NEK6: variants seen among roughly 807,000 people sequenced by gnomAD.
NEK6 encodes serine/threonine-protein kinase Nek6.
A neutral mutation model predicts 43.5 loss-of-function variants in NEK6; 27 were observed. That is an observed-to-expected ratio of 0.62 (90% CI 0.46 to 0.86). The LOEUF (loss-of-function observed/expected upper bound fraction) is 0.86. Among genes scored for constraint, NEK6 ranks in the 40% least tolerant of loss-of-function variants. NEK6 has a pLI of 0.00. For synonymous variants in NEK6, 167 were observed against 164.1 expected (o/e 1.02, Z -0.14); for missense variants, 318 against 414.4 (o/e 0.77, Z 2.02).
intron 1 of NEK6, among the ~76,000 whole-genome samples, chr9:124,276,508 G>T (rs78138995): frequency 6.6e-6 from 1 of 152,278 alleles, no homozygotes; most frequent in South Asian, 2.1e-4. Flanking sequence ...TAATGAGCCC[G>T]TGGTACATCG....
chr9:124,281,381 A>G (rs1220608812), intron 1 of NEK6, among the ~76,000 whole-genome samples: 1 of 150,694 alleles, frequency 6.6e-6, no homozygotes, highest in Non-Finnish European at 1.5e-5. Context: ...CAAATCCCAG[A>G]CCCAGGCCAG....
chr9:124,257,979 C>G lies in NEK6; in HGVS notation c.-136C>G, dbSNP rs886165909. On this transcript the variant is annotated 5_prime_UTR_variant, in exon 1 of 10. Coordinates refer to ENST00000320246, the MANE Select transcript of NEK6 (RefSeq NM_014397.6). The stretch of plus-strand genomic sequence containing the variant: ...GGCGGCGGCGGCGGAACCGAGCTGA[C>G]GGGCGTGCGGCCGCTGCGCCGCAAA... 1.0e-5 allele frequency: 10 copies of G among 978,612 alleles called. No individual in the cohort carries two copies. The highest frequency in any genetic ancestry group is 1.8e-5 in the African/African-American group (1 of 56,398). 60.6% of individuals were successfully genotyped at this position (978,612 alleles called of 1,614,324 possible). A position where few individuals can be genotyped will look rare whatever the true frequency, so the allele number is the denominator to read the frequency against.
intron 1 of NEK6, among the ~76,000 whole-genome samples, chr9:124,293,250 C>T (rs1421311616): frequency 6.6e-6 from 1 of 152,226 alleles, no homozygotes; most frequent in Non-Finnish European, 1.5e-5. Flanking sequence ...CTTCTCTGCA[C>T]CTCAGTTTCT....
intron 2 of NEK6, among the ~76,000 whole-genome samples, chr9:124,309,961 C>T (rs538578491): frequency 2.6e-5 from 4 of 152,252 alleles, no homozygotes; most frequent in Non-Finnish European, 5.9e-5. Flanking sequence ...TTGAAGAGGC[C>T]GGTGGCGGGT....
intron 8 of NEK6, among the ~76,000 whole-genome samples, chr9:124,344,140 C>A (rs1439810727): frequency 6.6e-6 from 1 of 152,192 alleles, no homozygotes; most frequent in African/African-American, 2.4e-5. Flanking sequence ...GGCGTCTTCC[C>A]CTCTTCTGTG....
At chr9:124,294,758 C>T (rs1230378391) in intron 1 of NEK6, among the ~76,000 whole-genome samples, 2 of 152,094 alleles carry the variant, frequency 1.3e-5, no homozygotes, top group East Asian at 1.9e-4. Flanking sequence ...CTCCGGTGTG[C>T]GGACCTTTTG....
chr9:124,287,052 C>T (rs927689216), intron 1 of NEK6, among the ~76,000 whole-genome samples: 2 of 152,122 alleles, frequency 1.3e-5, no homozygotes, highest in Non-Finnish European at 2.9e-5. Flanking sequence ...CCCCTGGCTG[C>T]GGGGGACAGA....
chr9:124,308,772 G>T (rs1588492053), intron 2 of NEK6, among the ~76,000 whole-genome samples: 1 of 151,408 alleles, frequency 6.6e-6, no homozygotes, highest in Admixed American at 6.6e-5. Context: ...CCAGCCCCAC[G>T]CCCGTCTTGC....
At chr9:124,285,081 T>C (rs1832092579) in intron 1 of NEK6, among the ~76,000 whole-genome samples, 2 of 152,164 alleles carry the variant, frequency 1.3e-5, no homozygotes, top group Non-Finnish European at 2.9e-5. Flanking sequence ...AGCCAAAAAA[T>C]GTCTGTTGTT....
chr9:124,264,667 G>A (rs893973937), intron 1 of NEK6, among the ~76,000 whole-genome samples: 8 of 152,140 alleles, frequency 5.3e-5, no homozygotes, highest in Non-Finnish European at 1.0e-4. Flanking sequence ...TTAGCTGGGC[G>A]TGGTGGTGGA....
At chr9:124,318,750 C>T (rs1034515889) in intron 4 of NEK6, among the ~76,000 whole-genome samples, 8 of 152,292 alleles carry the variant, frequency 5.3e-5, no homozygotes, top group Admixed American at 1.3e-4. Context: ...TGGCTCACTG[C>T]AACCACCGTC....
chr9:124,336,459 G>T (rs960199885), intron 7 of NEK6, among the ~76,000 whole-genome samples: 2 of 152,142 alleles, frequency 1.3e-5, no homozygotes, highest in African/African-American at 4.8e-5. Context: ...AGTTACCTGT[G>T]TTTTTCCCGA....
In NEK6 at chr9:124,275,857, G is replaced by A. The variant is rs1053444812; in HGVS notation, c.-30+17772G>A. On this transcript the variant is annotated intron_variant, in intron 1 of 9. Coordinates refer to ENST00000320246, the MANE Select transcript of NEK6 (RefSeq NM_014397.6). This position sits in a 1 kb window ranked among gnomAD's most constrained non-coding sequence, Gnocchi z 4.4. ...ACAGCTGAGATGCTGAGACCACTGTGTCCAAAGCCCAGGCCTTTTCTGGGG... is the reference window on the plus strand; with the variant it reads ...ACAGCTGAGATGCTGAGACCACTGTATCCAAAGCCCAGGCCTTTTCTGGGG... Among the ~76,000 whole-genome samples, 4 of 152,270 alleles carry A rather than the reference G, an allele frequency of 2.6e-5. No individual in the cohort carries two copies. The highest frequency in any genetic ancestry group is 9.6e-5 in the African/African-American group (4 of 41,470).
intron 1 of NEK6, chr9:124,259,429 A>G (rs1830938562): frequency 6.6e-6 from 1 of 152,080 alleles, no homozygotes; most frequent in African/African-American, 2.4e-5. Context: ...GGACTCAGCG[A>G]GTTTGGACTC....
chr9:124,331,880 G>A (rs866068504), intron 7 of NEK6, among the ~76,000 whole-genome samples: 34 of 152,336 alleles, frequency 2.2e-4, no homozygotes, highest in Non-Finnish European at 3.7e-4. Flanking sequence ...CCCACCCTGC[G>A]TCCCATCCCA....
chr9:124,304,602 T>C (rs1448670884), intron 2 of NEK6, among the ~76,000 whole-genome samples: 1 of 152,230 alleles, frequency 6.6e-6, no homozygotes, highest in Non-Finnish European at 1.5e-5. Flanking sequence ...ATGGATCTTA[T>C]ATTTTAAAAA....
chr9:124,350,498 GCAGACACACACA>G (rs1830202240), intron 9 of NEK6, among the ~76,000 whole-genome samples: 1 of 33,620 alleles, frequency 3.0e-5, no homozygotes, highest in African/African-American at 1.2e-4. Context: ...GTGACTGACA[GCAGACACACACA>G]CACACACACA....
At chr9:124,259,347 T>A (rs1477872144) in intron 1 of NEK6, 4 of 152,112 alleles carry the variant, frequency 2.6e-5, no homozygotes, top group Non-Finnish European at 5.9e-5. Flanking sequence ...GAGGCACGTT[T>A]AAAAACCCTG....
In NEK6 at chr9:124,327,761, C is replaced by T. The variant is rs577089000; in HGVS notation, c.622+316C>T. 3.3e-5 allele frequency among the ~76,000 whole-genome samples: 5 copies of T among 152,322 alleles called. No homozygotes were observed. In the East Asian group the frequency reaches 9.6e-4, roughly 29 times the overall value. On this transcript the variant is annotated intron_variant, in intron 7 of 9. Transcript: ENST00000320246. ...CATCTTCCCACTGCTGTGAGTGTCC[C>T]GTTCACGGGCAGCACCCTTGGTCCA...
Sources: allele counts gnomAD v4.1 joint callset (sites outside exome capture counted in the v4.1 genomes callset), GRCh38; gene constraint gnomAD v4.1.1; non-coding constraint Gnocchi (gnomAD v3.1); transcripts MANE v1.5; gene names NCBI Gene and HGNC (gene_info 2026-07-23, HGNC 2026-07-21).